Variants in LITAF observed in about 807,000 individuals in gnomAD.
LITAF encodes the protein lipopolysaccharide-induced tumor necrosis factor-alpha factor.
In LITAF, 9 loss-of-function variants were observed where a neutral mutation model predicts 14.5. The observed-to-expected ratio is 0.62, with a 90% CI of 0.37 to 1.08. The LOEUF (loss-of-function observed/expected upper bound fraction) is 1.08, where lower values mean the gene tolerates loss of function less well. LITAF is among the 50% of genes least tolerant of loss of function. LITAF has a pLI of 0.01. For synonymous variants in LITAF, 98 were observed against 88.2 expected, an observed-to-expected ratio of 1.11 and a Z score of -0.62; for missense variants, 206 against 213.4, an observed-to-expected ratio of 0.97 and a Z score of 0.22.
rs147636161 is a variant in LITAF at position 11,572,121 on chromosome 16, T to C, written c.-6+14765A>G. On this transcript the variant is annotated intron_variant, in intron 1 of 3. Coordinates refer to ENST00000622633, the MANE Select transcript of LITAF (RefSeq NM_001136472.2). The stretch of plus-strand genomic sequence containing the variant: ...ATAAATAAATAAACAAACAAACAAA[T>C]AAACAGATCAAAACAAAATCCCCCT... Among the ~76,000 whole-genome samples the C allele has an allele frequency of 2.6e-5, 4 of 151,732 alleles. No individual in the cohort carries two copies. In the East Asian group the frequency reaches 7.8e-4, roughly 29 times the overall value.
intron 1 of LITAF, among the ~76,000 whole-genome samples, chr16:11,594,889 A>T (rs112060361): frequency 3.4e-5 from 5 of 147,406 alleles, no homozygotes; most frequent in South Asian, 2.1e-4. Context: ...AAAATAAAAA[A>T]AAATAAAATA....
chr16:11,616,421 G>A (rs1325644296), intron 3 of LITAF, among the ~76,000 whole-genome samples: 1 of 151,872 alleles, frequency 6.6e-6, no homozygotes, highest in Non-Finnish European at 1.5e-5. Context: ...AGGCTGCAGT[G>A]AGCTACGATT....
At chr16:11,614,091 G>A (rs1337713120) in intron 3 of LITAF, among the ~76,000 whole-genome samples, 2 of 152,082 alleles carry the variant, frequency 1.3e-5, no homozygotes, top group Non-Finnish European at 2.9e-5. Context: ...AGGCTCAGAA[G>A]GATGTCCTAG....
upstream of LITAF, among the ~76,000 whole-genome samples, chr16:11,639,770 G>C (rs867911792): frequency 6.6e-6 from 1 of 152,060 alleles, no homozygotes; most frequent in South Asian, 2.1e-4. Context: ...CGAGGAGGGC[G>C]GATCACTTGA....
upstream of LITAF, among the ~76,000 whole-genome samples, chr16:11,638,881 C>T (rs1193244114): frequency 6.6e-6 from 1 of 151,554 alleles, no homozygotes; most frequent in African/African-American, 2.4e-5. Context: ...CCTTTTTAAC[C>T]TGTGTATTTT....
intron 1 of LITAF, among the ~76,000 whole-genome samples, chr16:11,565,338 C>T (rs1355547273): frequency 6.6e-6 from 1 of 151,740 alleles, no homozygotes; most frequent in Non-Finnish European, 1.5e-5. Context: ...CTGCCTCAGC[C>T]GCCCAAAGTG....
At position 11,547,766 on chromosome 16, in the gene LITAF, C is replaced by T. The variant is rs955365078; in HGVS notation, c.*1871G>A. 11 of 453,348 alleles carry T rather than the reference C, an allele frequency of 2.4e-5. No homozygotes were observed. Among genetic ancestry groups the T allele is most frequent in the Admixed American group, 2.1e-4 (9 of 42,538 alleles). The allele number at this position is 453,348 out of a possible 1,614,324, so 28.1% of individuals were successfully genotyped here. A position where few individuals can be genotyped will look rare whatever the true frequency, so the allele number is the denominator to read the frequency against. On this transcript the variant is annotated 3_prime_UTR_variant, in exon 4 of 4. Transcript: ENST00000622633. ...TTAAAACTTGAAAGCTATGGCTTGC[C>T]GCCATCAATGACGCCTATTGGGTTC...
rs535145870 is a variant in LITAF, at chr16:11,574,284, C to T, written c.-6+12602G>A. On this transcript the variant is annotated intron_variant, in intron 1 of 3. Transcript: ENST00000622633. The stretch of plus-strand genomic sequence containing the variant: ...CTCAAACTCCTGGGCTAAAGCAATC[C>T]TCCCACCTTGGCCTCTCAAAGCGCT... Among the ~76,000 whole-genome samples the T allele has an allele frequency of 1.1e-4, 17 of 152,132 alleles. No homozygotes were observed. The East Asian group carries it at 3.3e-3, about 29-fold the overall frequency.
At chr16:11,584,678 A>C (rs1252091274) in intron 1 of LITAF, among the ~76,000 whole-genome samples, 1 of 152,062 alleles carries the variant, frequency 6.6e-6, no homozygotes, top group Non-Finnish European at 1.5e-5. Flanking sequence ...ACTGTTCTCA[A>C]GCCCTTTCTG....
intron 1 of LITAF, among the ~76,000 whole-genome samples, chr16:11,561,799 A>G (rs1260832267): frequency 1.0e-5 from 1 of 99,076 alleles, no homozygotes; most frequent in Admixed American, 1.1e-4. Flanking sequence ...TCTCCTCATC[A>G]CCCCCCATCC....
intron 1 of LITAF, 122 bp from the exon 2 acceptor site, chr16:11,556,857 CT>C: frequency 1.1e-6 from 1 of 872,702 alleles, no homozygotes; most frequent in South Asian, 1.4e-5. Context: ...TTCCATCCAG[CT>C]TTGTCCAAAA....
chr16:11,638,567 G>C (rs558099899), upstream of LITAF, among the ~76,000 whole-genome samples: 9 of 151,746 alleles, frequency 5.9e-5, no homozygotes, highest in Non-Finnish European at 1.3e-4. Context: ...CGGGCGTGGT[G>C]GTGCATGTCT....
intron 1 of LITAF, among the ~76,000 whole-genome samples, chr16:11,583,494 T>C (rs984246995): frequency 2.0e-5 from 3 of 152,190 alleles, no homozygotes; most frequent in African/African-American, 7.2e-5. Context: ...TGAACGCTGA[T>C]GACAATTTCA....
At chr16:11,627,748 G>A (rs533283714) in intron 3 of LITAF, among the ~76,000 whole-genome samples, 7 of 152,182 alleles carry the variant, frequency 4.6e-5, no homozygotes, top group African/African-American at 7.2e-5. Flanking sequence ...GGAGGCTGAC[G>A]CAGGAGAATG....
chr16:11,638,887 A>AT (rs141585454), upstream of LITAF, among the ~76,000 whole-genome samples: 2,868 of 146,876 alleles, frequency 0.02, 78 homozygotes, highest in African/African-American at 0.063. Context: ...TAACCTGTGT[A>AT]TTTTTTTTTT....
rs575950185 is a variant in LITAF at position 11,626,882 on chromosome 16, G to A, written c.85+6651C>T. On this transcript the variant is annotated intron_variant, in intron 3 of 3. Transcript: ENST00000574848. ...TTTTTTTTGAAATGGAGTCTCTGTC[G>A]CTCAGGATGGAGTGCAGTGGCACGA... Among the ~76,000 whole-genome samples the A allele has an allele frequency of 2.3e-4, 35 of 151,274 alleles. No homozygotes were observed. The South Asian group carries it at 3.1e-3, about 14-fold the overall frequency.
At chr16:11,628,556 T>A (rs1162735491) in intron 3 of LITAF, among the ~76,000 whole-genome samples, 1 of 152,220 alleles carries the variant, frequency 6.6e-6, no homozygotes, top group Non-Finnish European at 1.5e-5. Context: ...CGGGCTGGAG[T>A]GCAGTGGCAC....
intron 2 of LITAF, chr16:11,633,765 C>A (rs935678224): frequency 1.2e-4 from 18 of 152,176 alleles, no homozygotes; most frequent in Admixed American, 1.2e-3. Context: ...AGTGGCCATT[C>A]TTTATTCCTT....
intron 3 of LITAF, among the ~76,000 whole-genome samples, chr16:11,622,622 G>T (rs1436550202): frequency 6.6e-6 from 1 of 152,130 alleles, no homozygotes; most frequent in Non-Finnish European, 1.5e-5. Flanking sequence ...CGTTTAACAG[G>T]GTTATTTAAA....
Sources: allele counts gnomAD v4.1 joint callset (sites outside exome capture counted in the v4.1 genomes callset), GRCh38; gene constraint gnomAD v4.1.1; transcripts MANE v1.5; gene names NCBI Gene and HGNC (gene_info 2026-07-23, HGNC 2026-07-21).